The following NRG3 variants were observed in gnomAD, a reference collection of about 807,000 sequenced individuals.
NRG3 encodes the protein pro-neuregulin-3, membrane-bound isoform.
A neutral mutation model predicts 66.9 loss-of-function variants in NRG3; 31 were observed. The observed-to-expected ratio is 0.46, with a 90% CI of 0.35 to 0.63. The LOEUF (loss-of-function observed/expected upper bound fraction) is 0.63. NRG3 is among the 20% of genes least tolerant of loss of function. NRG3 has a pLI of 0.00. For synonymous variants in NRG3, 393 were observed against 359.4 expected (o/e 1.09, Z -1.06); for missense variants, 910 against 878.9 (o/e 1.04, Z -0.45).
At chr10:82,769,701 C>G (rs2059644067) in intron 3 of NRG3, among the ~76,000 whole-genome samples, 2 of 152,078 alleles carry the variant, frequency 1.3e-5, no homozygotes, top group Admixed American at 6.6e-5. Flanking sequence ...CTAAAAATTA[C>G]TAGCACAAGT....
rs537449732 is a variant in NRG3 at position 82,985,798 on chromosome 10, G to A, written c.*193G>A. On this transcript the variant is annotated 3_prime_UTR_variant, in exon 9 of 9. Transcript: ENST00000372141. ...AAAGAAATGTTTCAGGAGGGATAAA[G>A]CTTACCATTAAAGCTTTTGGGTAGA... 68 of 618,402 alleles carry A rather than the reference G, an allele frequency of 1.1e-4. 2 individuals carry two copies. The South Asian group carries it at 1.5e-3, about 13-fold the overall frequency. The allele number at this position is 618,402 out of a possible 1,614,324, so 38.3% of individuals were successfully genotyped here.
intron 2 of NRG3, among the ~76,000 whole-genome samples, chr10:82,587,089 A>G (rs1009489293): frequency 8.5e-5 from 13 of 152,188 alleles, no homozygotes; most frequent in Non-Finnish European, 1.9e-4. Flanking sequence ...AATAATACTA[A>G]GATGTGATTT....
At chr10:82,043,218 T>C (rs2063123031) in intron 1 of NRG3, among the ~76,000 whole-genome samples, 1 of 151,936 alleles carries the variant, frequency 6.6e-6, no homozygotes, top group Non-Finnish European at 1.5e-5. Context: ...TGTTGTGTGA[T>C]GGTTTTCCTG....
At chr10:82,026,160 A>G (rs953713080) in intron 1 of NRG3, among the ~76,000 whole-genome samples, 1 of 152,150 alleles carries the variant, frequency 6.6e-6, no homozygotes, top group African/African-American at 2.4e-5. Flanking sequence ...CCCCATAACA[A>G]TACTAGCTTT....
chr10:82,765,701 G>A (rs1028954075), intron 3 of NRG3, among the ~76,000 whole-genome samples: 3 of 152,094 alleles, frequency 2.0e-5, no homozygotes, highest in Admixed American at 6.6e-5. Context: ...GAAAATTATT[G>A]TTGGAGGAAT....
intron 2 of NRG3, among the ~76,000 whole-genome samples, chr10:82,363,112 C>A (rs1033627625): frequency 6.6e-6 from 1 of 151,800 alleles, no homozygotes; most frequent in African/African-American, 2.4e-5. Flanking sequence ...ACAAATATGG[C>A]AAAGAATTAA....
chr10:82,175,065 TC>T (rs1169261073), intron 1 of NRG3, among the ~76,000 whole-genome samples: 1 of 152,156 alleles, frequency 6.6e-6, no homozygotes, highest in Non-Finnish European at 1.5e-5. Context: ...ATTTTTACCT[TC>T]TTGTTTCCTT....
In NRG3 at chr10:82,832,055, A is replaced by G. The variant is rs377331658; in HGVS notation, c.1028-33356A>G. ...TCTTAGATGTTGCCTGATAGCTACTATTTTCTCACTTTGCATCACATTAGT... is the reference window on the plus strand; with the variant it reads ...TCTTAGATGTTGCCTGATAGCTACTGTTTTCTCACTTTGCATCACATTAGT... On this transcript the variant is annotated intron_variant, in intron 3 of 8. Transcript: ENST00000372141. Among the ~76,000 whole-genome samples the G allele has an allele frequency of 1.4e-4, 22 of 152,226 alleles. No homozygotes were observed. The East Asian group carries it at 2.5e-3, about 17-fold the overall frequency.
At chr10:82,017,131 G>A (rs1483870197) in intron 1 of NRG3, among the ~76,000 whole-genome samples, 1 of 152,012 alleles carries the variant, frequency 6.6e-6, no homozygotes, top group Non-Finnish European at 1.5e-5. Flanking sequence ...TCCCCTTCCT[G>A]TGTCCAAGTG....
chr10:82,436,892 T>A (rs1280974736), intron 2 of NRG3, among the ~76,000 whole-genome samples: 2 of 152,208 alleles, frequency 1.3e-5, no homozygotes, highest in Non-Finnish European at 2.9e-5. Flanking sequence ...ATAGAGTTTC[T>A]GCTGAGAGGT....
Position 82,851,156 on chromosome 10 carries a change from A to G in NRG3, c.1028-14255A>G, listed in dbSNP as rs562882629. 5.4e-4 allele frequency among the ~76,000 whole-genome samples: 83 copies of G among 152,300 alleles called. 1 individual carries two copies. Among genetic ancestry groups the G allele is most frequent in the African/African-American group, 1.7e-3 (69 of 41,570 alleles). On this transcript the variant is annotated intron_variant, in intron 3 of 8. Transcript: ENST00000372141. ...TGTATTATTATTTTTTATTATTTAA[A>G]TTTCCTAATTTTCTATTTAAAGTTA...
intron 2 of NRG3, among the ~76,000 whole-genome samples, chr10:82,444,998 T>G (rs1340420911): frequency 6.6e-6 from 1 of 152,192 alleles, no homozygotes; most frequent in East Asian, 1.9e-4. Context: ...TAAGGTTTAA[T>G]TTAGTTTCAA....
intron 1 of NRG3, among the ~76,000 whole-genome samples, chr10:81,926,263 A>C (rs1265828523): frequency 6.6e-6 from 1 of 151,850 alleles, no homozygotes; most frequent in Non-Finnish European, 1.5e-5. Flanking sequence ...GATTACAGGC[A>C]CCCGCAACCA....
intron 3 of NRG3, among the ~76,000 whole-genome samples, chr10:82,851,219 G>A (rs904041054): frequency 2.0e-5 from 3 of 151,932 alleles, no homozygotes; most frequent in South Asian, 2.1e-4. Context: ...AACACATTTC[G>A]TTTATCTAAT....
intron 1 of NRG3, among the ~76,000 whole-genome samples, chr10:82,034,443 T>G (rs1218272565): frequency 6.6e-6 from 1 of 152,174 alleles, no homozygotes; most frequent in East Asian, 1.9e-4. Flanking sequence ...TTTAAATAAG[T>G]AGATTTTTGG....
intron 2 of NRG3, among the ~76,000 whole-genome samples, chr10:82,643,666 A>G (rs1401113958): frequency 6.6e-6 from 1 of 152,062 alleles, no homozygotes; most frequent in Non-Finnish European, 1.5e-5. Context: ...TCCAAAATTT[A>G]TCTGTTTTTC....
In NRG3 at chr10:82,718,852, T is replaced by C. The variant is rs139666117; in HGVS notation, c.954-19725T>C. On this transcript the variant is annotated intron_variant, in intron 2 of 8. Transcript: ENST00000372141. ...AAAATTGACTAATGATGTTGTAGCC[T>C]AGGGAAGTTTTAGAGTAGGTCATTA... Among the ~76,000 whole-genome samples the C allele has an allele frequency of 9.1e-4, 138 of 152,314 alleles. 6 individuals carry two copies. The East Asian group carries it at 0.019, about 21-fold the overall frequency.
intron 1 of NRG3, among the ~76,000 whole-genome samples, chr10:82,242,312 T>A (rs1424203065): frequency 1.3e-5 from 2 of 152,150 alleles, no homozygotes; most frequent in Admixed American, 6.5e-5. Flanking sequence ...CAAAAGATGG[T>A]GTCTAAATTA....
intron 2 of NRG3, among the ~76,000 whole-genome samples, chr10:82,427,675 G>A (rs1027734732): frequency 6.6e-6 from 1 of 152,012 alleles, no homozygotes; most frequent in Admixed American, 6.6e-5. Flanking sequence ...GCTTTTCCTT[G>A]TGAGGTCTTT....
Sources: allele counts gnomAD v4.1 joint callset (sites outside exome capture counted in the v4.1 genomes callset), GRCh38; gene constraint gnomAD v4.1.1; transcripts MANE v1.5; gene names NCBI Gene and HGNC (gene_info 2026-07-23, HGNC 2026-07-21).